STK32B: variants seen among roughly 807,000 people sequenced by gnomAD.
STK32B encodes serine/threonine kinase 32B, also known as serine/threonine-protein kinase 32B.
STK32B carries 43 observed loss-of-function variants against 52.6 expected under a neutral mutation model. That is an observed-to-expected ratio of 0.82 (90% confidence interval 0.64 to 1.05). The LOEUF is 1.05. STK32B is among the 50% of genes least tolerant of loss of function. The probability of loss-of-function intolerance (pLI) is 0.00; values close to 1 mark genes in which losing one functional copy is unlikely to be tolerated. For missense variants in STK32B, 621 were observed against 534.6 expected (o/e 1.16, Z -1.59); for synonymous variants, 238 against 204.3 (o/e 1.17, Z -1.41).
At chr4:5,061,652 T>A (rs1291664954) in intron 1 of STK32B, among the ~76,000 whole-genome samples, 1 of 152,268 alleles carries the variant, frequency 6.6e-6, no homozygotes, top group African/African-American at 2.4e-5. Context: ...ATAGGAATCA[T>A]GCTTCATCTT....
chr4:5,029,633 G>A, the STK32B span, among the ~76,000 whole-genome samples: 1 of 152,114 alleles, frequency 6.6e-6, no homozygotes, highest in Non-Finnish European at 1.5e-5. Flanking sequence ...CCTCCCCGAC[G>A]GCTCCTGCAG....
intron 3 of STK32B, among the ~76,000 whole-genome samples, chr4:5,267,591 G>A (rs1727137582): frequency 6.6e-6 from 1 of 152,198 alleles, no homozygotes; most frequent in Non-Finnish European, 1.5e-5. Flanking sequence ...GGGTCGCGCA[G>A]CAAGTCTGGC....
intron 3 of STK32B, among the ~76,000 whole-genome samples, chr4:5,292,160 C>A (rs10034763): frequency 0.21 from 31,991 of 151,924 alleles, 4,712 homozygotes; most frequent in African/African-American, 0.42. Flanking sequence ...GTATATACCC[C>A]GTAATGAGAT....
intron 3 of STK32B, among the ~76,000 whole-genome samples, chr4:5,258,634 C>T (rs927750245): frequency 6.6e-6 from 1 of 152,172 alleles, no homozygotes; most frequent in African/African-American, 2.4e-5. Context: ...AATCTTGTCT[C>T]CTCCTTCAGC....
intron 3 of STK32B, among the ~76,000 whole-genome samples, chr4:5,174,448 C>G (rs896374330): frequency 3.3e-5 from 5 of 152,136 alleles, no homozygotes; most frequent in African/African-American, 1.2e-4. Flanking sequence ...ACCGGTTGTT[C>G]TTTTCCATGT....
chr4:5,334,619 T>A (rs1732505844), intron 4 of STK32B, among the ~76,000 whole-genome samples: 1 of 152,102 alleles, frequency 6.6e-6, no homozygotes, highest in Non-Finnish European at 1.5e-5. Context: ...GGGTTTGTCA[T>A]AGATAGCTCT....
Position 5,456,927 on chromosome 4 carries a change from A to G in STK32B, c.783+4A>G, listed in dbSNP as rs1303958797. 3.3e-6 allele frequency: 5 copies of G among 1,527,992 alleles called. No individual in the cohort carries two copies. The highest frequency in any genetic ancestry group is 8.8e-7 in the Non-Finnish European group (1 of 1,133,366). The allele number at this position is 1,527,992 out of a possible 1,614,324, so 94.7% of individuals were successfully genotyped here. ...GATGGTGGCCCTGCTGAGGAAGGTA[A>G]GGGGGCAGCTTCCAGCCTGCCCCGC... On this transcript the variant is annotated splice_donor_region_variant and intron_variant, in intron 8 of 11. Coordinates refer to ENST00000282908, the MANE Select transcript of STK32B (RefSeq NM_018401.3).
At chr4:5,445,654 A>G (rs1004720166) in intron 6 of STK32B, among the ~76,000 whole-genome samples, 1 of 152,242 alleles carries the variant, frequency 6.6e-6, no homozygotes, top group East Asian at 1.9e-4. Context: ...TATTTTTTCT[A>G]TTGAGGTGAA....
chr4:5,065,605 C>A (rs903649536), intron 1 of STK32B, among the ~76,000 whole-genome samples: 1 of 152,178 alleles, frequency 6.6e-6, no homozygotes, highest in East Asian at 1.9e-4. Context: ...ATGCCTAGCA[C>A]GAGGCCAGCT....
chr4:5,283,410 A>G (rs934898738), intron 3 of STK32B, among the ~76,000 whole-genome samples: 1 of 152,204 alleles, frequency 6.6e-6, no homozygotes, highest in Non-Finnish European at 1.5e-5. Flanking sequence ...AAAAAGTCCA[A>G]GAAAACATAT....
chr4:5,445,192 A>T (rs572503279), intron 6 of STK32B, among the ~76,000 whole-genome samples: 1 of 152,178 alleles, frequency 6.6e-6, no homozygotes, highest in Non-Finnish European at 1.5e-5. Context: ...AATGTGAAGC[A>T]AATGGAGAAT....
intron 4 of STK32B, among the ~76,000 whole-genome samples, chr4:5,370,610 G>A (rs769393609): frequency 5.3e-5 from 8 of 152,142 alleles, no homozygotes; most frequent in African/African-American, 9.7e-5. Flanking sequence ...GCCACAGAAC[G>A]TGGGTTGGAG....
intron 5 of STK32B, among the ~76,000 whole-genome samples, chr4:5,404,842 C>G (rs1577452779): frequency 6.6e-6 from 1 of 150,990 alleles, no homozygotes; most frequent in Non-Finnish European, 1.5e-5. Context: ...ATTCATAACA[C>G]CCCTGTGTTC....
chr4:5,343,421 G>A (rs1305068487), intron 4 of STK32B, among the ~76,000 whole-genome samples: 1 of 152,140 alleles, frequency 6.6e-6, no homozygotes, highest in African/African-American at 2.4e-5. Context: ...ACGTATGCAT[G>A]TGTCTTTATA....
chr4:5,323,955 A>G (rs1439266426), intron 3 of STK32B, among the ~76,000 whole-genome samples: 2 of 152,222 alleles, frequency 1.3e-5, no homozygotes, highest in Non-Finnish European at 2.9e-5. Flanking sequence ...CATCTTGGAC[A>G]TGTTACTTAA....
rs1338734498 is a variant in STK32B at position 5,467,247 on chromosome 4, T to C, written c.1041+413T>C. Among the ~76,000 whole-genome samples, 2 of 152,170 alleles carry C rather than the reference T, an allele frequency of 1.3e-5. No individual in the cohort carries two copies. Among genetic ancestry groups the C allele is most frequent in the African/African-American group, 4.8e-5 (2 of 41,440 alleles). On this transcript the variant is annotated intron_variant, in intron 10 of 11. Coordinates refer to ENST00000282908, the MANE Select transcript of STK32B (RefSeq NM_018401.3). This position sits in a 1 kb window ranked among gnomAD's most constrained non-coding sequence, Gnocchi z 5.8. ...GGTGGCTTAAAACAACCCACATTGA[T>C]TCTCTCACGGTTCTGGAGGCCAGAA...
At position 5,446,771 on chromosome 4, in the gene STK32B, G is replaced by T. The variant is rs775620532; in HGVS notation, c.661G>T (p.Gly221Cys). The T allele has an allele frequency of 3.7e-6, 6 of 1,613,900 alleles. No homozygotes were observed. The highest frequency in any genetic ancestry group is 5.1e-6 in the Non-Finnish European group (6 of 1,179,956). The stretch of plus-strand genomic sequence containing the variant: ...CATCACAGCCTATGAGCTGCTGCGG[G>T]GCTGGGTAAGACAGGCACCTGTGCG... ...LGITAYELLRGWRPYEIHSVT... is the reference protein window; with the variant it reads ...LGITAYELLRCWRPYEIHSVT... The change falls in exon 7 of 12, where the codon GGC becomes TGC. Residue 221 changes from glycine (G) to cysteine (C), a missense_variant. Transcript: ENST00000282908.
At position 5,482,860 on chromosome 4, in the gene STK32B, T is replaced by C. The variant is rs376184524; in HGVS notation, c.1106+14790T>C. Among the ~76,000 whole-genome samples, 13 of 152,204 alleles carry C rather than the reference T, an allele frequency of 8.5e-5. 1 individual carries two copies. Among genetic ancestry groups the C allele is most frequent in the East Asian group, 7.7e-4 (4 of 5,196 alleles). On this transcript the variant is annotated intron_variant, in intron 11 of 11. Coordinates refer to ENST00000282908, the MANE Select transcript of STK32B (RefSeq NM_018401.3). ...TTGAGATAATCATGTGGTTTTTGTC[T>C]TTGGTTCTGTTTATATGCTGGATTA...
chr4:5,478,182 A>G (rs1718385614), intron 11 of STK32B, among the ~76,000 whole-genome samples: 1 of 152,180 alleles, frequency 6.6e-6, no homozygotes, highest in Admixed American at 6.5e-5. Context: ...CTTTTCTCCC[A>G]AAGGATGGGA....
Sources: allele counts gnomAD v4.1 joint callset (sites outside exome capture counted in the v4.1 genomes callset), GRCh38; gene constraint gnomAD v4.1.1; non-coding constraint Gnocchi (gnomAD v3.1); transcripts MANE v1.5; gene names NCBI Gene and HGNC (gene_info 2026-07-23, HGNC 2026-07-21).